PALS1: variants seen among roughly 807,000 people sequenced by gnomAD.
PALS1 encodes protein associated with LIN7 1, MAGUK p55 family member, also known as protein PALS1.
PALS1 carries 31 observed loss-of-function variants against 78.9 expected under a neutral mutation model. The ratio of observed to expected loss-of-function variants is 0.39; its 90% CI spans 0.30 to 0.53. PALS1 has a LOEUF of 0.53. PALS1 is among the 20% of genes least tolerant of loss of function. PALS1 has a pLI of 0.67. For missense variants in PALS1, 704 were observed against 826.5 expected (o/e 0.85, Z 1.82); for synonymous variants, 276 against 270.9 (o/e 1.02, Z -0.18).
Position 67,277,990 on chromosome 14 carries a change from G to A in PALS1, c.-153-1028G>A, listed in dbSNP as rs144134905. ...TTTTTGAGTGGTAACAGATACAACC[G>A]TTTTCTCTAAATGAATCCTTGTAAT... On this transcript the variant is annotated intron_variant, in intron 2 of 14. Coordinates refer to ENST00000261681, the MANE Select transcript of PALS1 (RefSeq NM_022474.4). Among the ~76,000 whole-genome samples the A allele has an allele frequency of 5.1e-3, 766 of 150,530 alleles. 4 individuals are homozygous for A. The highest frequency in any genetic ancestry group is 0.017 in the African/African-American group (716 of 41,004).
At chr14:67,249,693 C>T (rs1024474900) in intron 1 of PALS1, among the ~76,000 whole-genome samples, 4 of 152,178 alleles carry the variant, frequency 2.6e-5, no homozygotes, top group African/African-American at 9.7e-5. Context: ...ATTTGAGAAA[C>T]TTCACACAAA....
chr14:67,280,853 T>TTCCTTCCCTCCCACCCTCCCTCCC (rs1328488242), intron 3 of PALS1, among the ~76,000 whole-genome samples: 1 of 77,610 alleles, frequency 1.3e-5, no homozygotes, highest in African/African-American at 1.0e-4. Flanking sequence ...CCTTCCTTCC[T>TTCCTTCCCTCCCACCCTCCCTCCC]TCCCTCCCTC....
In PALS1 at chr14:67,327,112, T is replaced by C. The variant is rs75197316; in HGVS notation, c.1851+3300T>C. 4.3e-3 allele frequency among the ~76,000 whole-genome samples: 651 copies of C among 152,100 alleles called. 25 individuals carry two copies. The East Asian group carries it at 0.1, about 24-fold the overall frequency. On this transcript the variant is annotated intron_variant, in intron 14 of 14. Transcript: ENST00000261681. ...ATCACTTGAACCCGGGAGGTGGAGG[T>C]TGCAGTGAACCGGGATTGCGCCACT...
intron 6 of PALS1, 145 bp from the exon 7 acceptor site, chr14:67,302,265 C>T: frequency 9.2e-7 from 1 of 1,088,924 alleles, no homozygotes; most frequent in East Asian, 2.9e-5. Flanking sequence ...AATCTAATTA[C>T]AATTACTCTA....
intron 10 of PALS1, 99 bp downstream of exon 10, chr14:67,317,002 G>C (rs746068581): frequency 6.6e-6 from 6 of 912,598 alleles, no homozygotes; most frequent in Non-Finnish European, 1.0e-5. Context: ...AGTACTCAGG[G>C]AAAGAGTGAT....
intron 3 of PALS1, among the ~76,000 whole-genome samples, chr14:67,281,310 GAT>G (rs2084606163): frequency 6.6e-6 from 1 of 152,138 alleles, no homozygotes; most frequent in Non-Finnish European, 1.5e-5. Flanking sequence ...AGAAATCATA[GAT>G]ATGTGTTCAG....
chr14:67,304,731 A>C (rs1177157798), intron 8 of PALS1, among the ~76,000 whole-genome samples: 1 of 152,216 alleles, frequency 6.6e-6, no homozygotes, highest in Non-Finnish European at 1.5e-5. Flanking sequence ...TAATTGTACA[A>C]ATCTGTGAAT....
At chr14:67,277,437 T>C (rs1161703596) in intron 2 of PALS1, among the ~76,000 whole-genome samples, 2 of 152,242 alleles carry the variant, frequency 1.3e-5, no homozygotes, top group Admixed American at 6.5e-5. Flanking sequence ...GTTTGCATTA[T>C]GACCCAAGAT....
At chr14:67,330,898 T>C (rs1243828266) in intron 14 of PALS1, among the ~76,000 whole-genome samples, 2 of 152,258 alleles carry the variant, frequency 1.3e-5, no homozygotes, top group African/African-American at 2.4e-5. Flanking sequence ...TTTTCAAATT[T>C]GTTGAGCCTT....
chr14:67,312,336 G>A (rs1483363745), intron 8 of PALS1, among the ~76,000 whole-genome samples, 191 bp from the exon 9 acceptor site: 2 of 152,122 alleles, frequency 1.3e-5, no homozygotes, highest in Non-Finnish European at 2.9e-5. Context: ...CCACCACTTT[G>A]GGAGGCTGAG....
intron 1 of PALS1, among the ~76,000 whole-genome samples, chr14:67,250,646 C>T (rs780806819): frequency 6.6e-6 from 1 of 152,138 alleles, no homozygotes; most frequent in Admixed American, 6.5e-5. Context: ...TCATGAACCC[C>T]AGATACAGGT....
chr14:67,321,021 C>T, intron 12 of PALS1, 36 bp from the exon 13 acceptor site: 1 of 1,577,584 alleles, frequency 6.3e-7, no homozygotes, highest in Non-Finnish European at 8.7e-7. Flanking sequence ...CACTCTAAGC[C>T]ATGCCTGTTA....
At chr14:67,266,169 TTTAAAA>T (rs1260003640) in intron 1 of PALS1, among the ~76,000 whole-genome samples, 1 of 152,070 alleles carries the variant, frequency 6.6e-6, no homozygotes, top group Non-Finnish European at 1.5e-5. Flanking sequence ...TGAATATATG[TTTAAAA>T]TTAAAGAAAT....
At chr14:67,248,702 T>G (rs2140427180) in intron 1 of PALS1, among the ~76,000 whole-genome samples, 1 of 152,340 alleles carries the variant, frequency 6.6e-6, no homozygotes, top group East Asian at 1.9e-4. Context: ...AGTACTCAGT[T>G]CTGTTGTTAG....
intron 1 of PALS1, among the ~76,000 whole-genome samples, chr14:67,244,158 T>C (rs941957619): frequency 6.6e-6 from 1 of 152,228 alleles, no homozygotes; most frequent in Non-Finnish European, 1.5e-5. Flanking sequence ...ATTCCCCTAC[T>C]GAAGAATTTT....
chr14:67,255,039 C>T (rs775032886), intron 1 of PALS1, among the ~76,000 whole-genome samples: 2 of 152,156 alleles, frequency 1.3e-5, no homozygotes, highest in African/African-American at 4.8e-5. Flanking sequence ...GTCCCAGCTA[C>T]TCAGGAGGCT....
chr14:67,273,244 C>T (rs1003087553), intron 2 of PALS1, among the ~76,000 whole-genome samples: 22 of 151,670 alleles, frequency 1.5e-4, no homozygotes, highest in Admixed American at 7.9e-4. Context: ...TTAGGTATAT[C>T]TCCTAATGCT....
At chr14:67,281,504 CTAT>C in intron 3 of PALS1, among the ~76,000 whole-genome samples, 1 of 152,088 alleles carries the variant, frequency 6.6e-6, no homozygotes, top group Non-Finnish European at 1.5e-5. Context: ...TCCCACCACT[CTAT>C]TATTATTTAT....
chr14:67,299,525 G>T (rs1456274333), intron 4 of PALS1, among the ~76,000 whole-genome samples: 3 of 152,130 alleles, frequency 2.0e-5, no homozygotes, highest in Non-Finnish European at 2.9e-5. Context: ...AGGAAAAGTG[G>T]TATAGCTAAA....
Sources: gnomAD v4.1 joint callset for allele counts (sites outside exome capture counted in the v4.1 genomes callset) on GRCh38, gnomAD v4.1.1 for gene constraint, MANE v1.5 for transcripts, NCBI Gene and HGNC (gene_info 2026-07-23, HGNC 2026-07-21) for gene names.